Variants in MEI4 observed in about 807,000 individuals in gnomAD.
MEI4 encodes meiotic double-stranded break formation protein 4, also known as meiosis-specific protein MEI4.
MEI4 carries 27 observed loss-of-function variants against 31.4 expected under a neutral mutation model. The ratio of observed to expected loss-of-function variants is 0.86; its 90% CI spans 0.63 to 1.19. The LOEUF (loss-of-function observed/expected upper bound fraction) is 1.19, where lower values mean the gene tolerates loss of function less well. Among genes scored for constraint, MEI4 ranks in the 50% most tolerant of loss-of-function variants. MEI4 has a pLI of 0.00. For missense variants in MEI4, 329 were observed against 398.9 expected, an observed-to-expected ratio of 0.82 and a Z score of 1.49; for synonymous variants, 122 against 145.4, an observed-to-expected ratio of 0.84 and a Z score of 1.16.
intron 2 of MEI4, among the ~76,000 whole-genome samples, chr6:77,708,993 C>G (rs970687750): frequency 6.6e-6 from 1 of 152,128 alleles, no homozygotes; most frequent in Non-Finnish European, 1.5e-5. Flanking sequence ...TCTTTTGTTA[C>G]AGTAATATTG....
chr6:77,761,019 A>T (rs563961077), intron 2 of MEI4, 111 bp from the exon 3 acceptor site: 1 of 690,486 alleles, frequency 1.4e-6, no homozygotes, highest in Non-Finnish European at 2.0e-6. Flanking sequence ...TAAATGCTTA[A>T]TGTGTATTTA....
chr6:77,797,929 T>A (rs1343408297), intron 3 of MEI4, among the ~76,000 whole-genome samples: 1 of 152,132 alleles, frequency 6.6e-6, no homozygotes, highest in Non-Finnish European at 1.5e-5. Flanking sequence ...AGTTGACACC[T>A]AGTATTAACC....
intron 2 of MEI4, among the ~76,000 whole-genome samples, chr6:77,754,919 G>A (rs897250576): frequency 2.6e-5 from 4 of 152,142 alleles, no homozygotes; most frequent in Non-Finnish European, 2.9e-5. Context: ...CCTCTCCCTT[G>A]ACATGTGGGT....
At chr6:77,841,611 G>A (rs1770367063) in intron 4 of MEI4, among the ~76,000 whole-genome samples, 2 of 151,326 alleles carry the variant, frequency 1.3e-5, no homozygotes, top group Admixed American at 1.3e-4. Context: ...CAAAGTGCAG[G>A]GATTACAGGT....
At chr6:77,747,988 G>A (rs933256361) in intron 2 of MEI4, among the ~76,000 whole-genome samples, 5 of 152,196 alleles carry the variant, frequency 3.3e-5, no homozygotes, top group African/African-American at 1.2e-4. Flanking sequence ...AATCCTAAAG[G>A]GCTGAAATGA....
In MEI4 at chr6:77,807,927, C is replaced by T. The variant is rs1769480529; in HGVS notation, c.769-21004C>T. On this transcript the variant is annotated intron_variant, in intron 3 of 4. Coordinates refer to ENST00000684080, the MANE Select transcript of MEI4 (RefSeq NM_001322247.2). ...CAAAAAACAGATGCTAAATTTTCGA[C>T]CATTGCATCTTTTTGAGGCCTAAAT... Among the ~76,000 whole-genome samples, 5 of 152,246 alleles carry T rather than the reference C, an allele frequency of 3.3e-5. No individual in the cohort carries two copies. In the South Asian group the frequency reaches 1.0e-3, roughly 32 times the overall value.
chr6:77,842,354 T>C (rs1055577560), intron 4 of MEI4, among the ~76,000 whole-genome samples: 10 of 151,872 alleles, frequency 6.6e-5, no homozygotes, highest in African/African-American at 2.4e-4. Flanking sequence ...TAGAAAAAAA[T>C]TGAAGTGAAA....
chr6:77,660,427 T>C (rs1005330554), intron 1 of MEI4, among the ~76,000 whole-genome samples: 5 of 152,072 alleles, frequency 3.3e-5, no homozygotes, highest in African/African-American at 7.2e-5. Flanking sequence ...CCAAGAGATA[T>C]CAGCTGTGAT....
At chr6:77,676,133 G>A (rs1768840545) in intron 1 of MEI4, among the ~76,000 whole-genome samples, 1 of 152,050 alleles carries the variant, frequency 6.6e-6, no homozygotes, top group Non-Finnish European at 1.5e-5. Context: ...CATTTACATG[G>A]AAGTACAAGG....
At chr6:77,859,896 A>T (rs896440777) in intron 4 of MEI4, among the ~76,000 whole-genome samples, 1 of 152,164 alleles carries the variant, frequency 6.6e-6, no homozygotes, top group Non-Finnish European at 1.5e-5. Context: ...TTACATCATA[A>T]ATCTGCCATT....
intron 4 of MEI4, among the ~76,000 whole-genome samples, chr6:77,907,999 T>A (rs1307121538): frequency 1.3e-5 from 2 of 151,508 alleles, no homozygotes; most frequent in Non-Finnish European, 2.9e-5. Flanking sequence ...TGGGGTTTTT[T>A]TTTTTTTCTT....
intron 3 of MEI4, among the ~76,000 whole-genome samples, chr6:77,780,276 G>C (rs1032853253): frequency 6.6e-6 from 1 of 152,180 alleles, no homozygotes; most frequent in Non-Finnish European, 1.5e-5. Flanking sequence ...TTTATCTAAA[G>C]AGCTTGTTTA....
At chr6:77,734,574 G>A (rs939361904) in intron 2 of MEI4, among the ~76,000 whole-genome samples, 3 of 151,972 alleles carry the variant, frequency 2.0e-5, no homozygotes, top group Non-Finnish European at 2.9e-5. Context: ...ACACTGATGG[G>A]TCTTGACTCT....
rs1170246620 is a variant in MEI4, at chr6:77,906,038, C to A, written c.901-17051C>A. The stretch of plus-strand genomic sequence containing the variant: ...GCCCCGGAATTTTCCTTTTTTAATA[C>A]AATTTTAATATCTCTGTAAAATTTA... On this transcript the variant is annotated intron_variant, in intron 4 of 4. Coordinates refer to ENST00000684080, the MANE Select transcript of MEI4 (RefSeq NM_001322247.2). Among the ~76,000 whole-genome samples the A allele has an allele frequency of 2.0e-5, 3 of 152,000 alleles. No homozygotes were observed. The South Asian group carries it at 6.2e-4, about 32-fold the overall frequency.
chr6:77,657,885 CCCT>C (rs1768426713), intron 1 of MEI4, among the ~76,000 whole-genome samples: 1 of 152,220 alleles, frequency 6.6e-6, no homozygotes, highest in Non-Finnish European at 1.5e-5. Context: ...CTTCAGAAGT[CCCT>C]CCTCCTCCTG....
At chr6:77,783,998 C>T (rs913553623) in intron 3 of MEI4, among the ~76,000 whole-genome samples, 8 of 152,056 alleles carry the variant, frequency 5.3e-5, no homozygotes, top group Non-Finnish European at 1.0e-4. Flanking sequence ...TCAAGTTAAA[C>T]CGCTACAGAG....
intron 2 of MEI4, among the ~76,000 whole-genome samples, chr6:77,701,968 C>T (rs1467549293): frequency 1.3e-5 from 2 of 152,050 alleles, no homozygotes; most frequent in African/African-American, 2.4e-5. Context: ...TCAGGTTGGT[C>T]CCCTCACTCT....
At chr6:77,699,980 G>C (rs915773960) in intron 2 of MEI4, among the ~76,000 whole-genome samples, 1 of 152,200 alleles carries the variant, frequency 6.6e-6, no homozygotes, top group South Asian at 2.1e-4. Context: ...GGCGTACCCG[G>C]CAGTGTGAGG....
intron 3 of MEI4, among the ~76,000 whole-genome samples, chr6:77,774,612 A>C (rs1768393562): frequency 1.3e-5 from 2 of 151,948 alleles, no homozygotes; most frequent in South Asian, 4.1e-4. Context: ...GTAGAGTTGG[A>C]GTAAGAATTT....
Sources: allele counts gnomAD v4.1 joint callset (sites outside exome capture counted in the v4.1 genomes callset), GRCh38; gene constraint gnomAD v4.1.1; transcripts MANE v1.5; gene names NCBI Gene and HGNC (gene_info 2026-07-23, HGNC 2026-07-21).